ST18: variants seen among roughly 807,000 people sequenced by gnomAD.
ST18 encodes the protein ST18 C2H2C-type zinc finger transcription factor.
A neutral mutation model predicts 110.0 loss-of-function variants in ST18; 50 were observed. The observed-to-expected ratio is 0.45, with a 90% CI of 0.36 to 0.58. ST18 has a LOEUF of 0.58. Among genes scored for constraint, ST18 ranks in the 20% least tolerant of loss-of-function variants. The pLI is 0.00. For synonymous variants in ST18, 461 were observed against 452.4 expected (o/e 1.02, Z -0.24); for missense variants, 1,306 against 1,280.1 (o/e 1.02, Z -0.31).
intron 15 of ST18, among the ~76,000 whole-genome samples, chr8:52,156,922 G>T (rs892117403): frequency 6.6e-6 from 1 of 152,170 alleles, no homozygotes; most frequent in Non-Finnish European, 1.5e-5. Flanking sequence ...CAATCTGTGT[G>T]CTCTCTGTCT....
chr8:52,408,629 G>A (rs561096887), intron 2 of ST18, among the ~76,000 whole-genome samples: 6 of 152,336 alleles, frequency 3.9e-5, no homozygotes, highest in South Asian at 2.1e-4. Context: ...CAAGTACTGC[G>A]TAGTGACCAA....
chr8:52,332,399 T>C (rs574342480), intron 2 of ST18, among the ~76,000 whole-genome samples: 1 of 152,318 alleles, frequency 6.6e-6, no homozygotes, highest in African/African-American at 2.4e-5. Flanking sequence ...TCTTTACACA[T>C]TGAATTCAAG....
intron 15 of ST18, among the ~76,000 whole-genome samples, chr8:52,153,877 A>G (rs1299917822): frequency 6.6e-6 from 1 of 152,244 alleles, no homozygotes; most frequent in Non-Finnish European, 1.5e-5. Context: ...GAAATTCTAG[A>G]GGGATTAAAA....
chr8:52,296,253 C>G (rs980149232), intron 2 of ST18: 1 of 152,178 alleles, frequency 6.6e-6, no homozygotes, highest in Admixed American at 6.5e-5. Context: ...TTTTCCCCTA[C>G]GGTTGTTTGA....
intron 2 of ST18, among the ~76,000 whole-genome samples, chr8:52,367,004 G>T (rs762030058): frequency 6.6e-6 from 1 of 152,132 alleles, no homozygotes; most frequent in Non-Finnish European, 1.5e-5. Flanking sequence ...GGGCTGAGGC[G>T]TGCAGATCAC....
intron 8 of ST18, among the ~76,000 whole-genome samples, chr8:52,201,747 A>C (rs922382421): frequency 2.0e-5 from 3 of 152,240 alleles, no homozygotes; most frequent in Admixed American, 1.3e-4. Context: ...CTGACCCTGC[A>C]GTCTGAGACC....
At chr8:52,142,435 A>G (rs527243789) in intron 17 of ST18, among the ~76,000 whole-genome samples, 2 of 152,248 alleles carry the variant, frequency 1.3e-5, no homozygotes, top group South Asian at 2.1e-4. Flanking sequence ...AGTAGACTTG[A>G]TTAATATTTA....
At chr8:52,166,459 ATCAG>A (rs2063026624) in intron 11 of ST18, among the ~76,000 whole-genome samples, 1 of 152,110 alleles carries the variant, frequency 6.6e-6, no homozygotes, top group Non-Finnish European at 1.5e-5. Flanking sequence ...GCCTGCTGAA[ATCAG>A]TCAAACTGGC....
At chr8:52,145,014 T>A (rs551414707) in intron 16 of ST18, among the ~76,000 whole-genome samples, 10 of 152,020 alleles carry the variant, frequency 6.6e-5, no homozygotes, top group Non-Finnish European at 1.0e-4. Flanking sequence ...TCTGATATTG[T>A]CTCAATGTGG....
intron 8 of ST18, among the ~76,000 whole-genome samples, chr8:52,188,958 C>G (rs187199434): frequency 2.6e-5 from 4 of 152,206 alleles, no homozygotes; most frequent in Admixed American, 2.6e-4. Flanking sequence ...AACTGGAGCA[C>G]GTTAAACTTG....
intron 8 of ST18, chr8:52,209,985 T>C (rs1309708235): frequency 2.2e-6 from 1 of 450,214 alleles, no homozygotes; most frequent in Non-Finnish European, 4.5e-6. Flanking sequence ...ATTAATTCCT[T>C]AAAGATTCTC....
intron 3 of ST18, among the ~76,000 whole-genome samples, chr8:52,229,057 A>C (rs1465232153): frequency 6.6e-6 from 1 of 152,328 alleles, no homozygotes; most frequent in South Asian, 2.1e-4. Context: ...TATCATTTGG[A>C]TCAACAAAAT....
intron 23 of ST18, among the ~76,000 whole-genome samples, chr8:52,122,681 G>T (rs909472347): frequency 6.6e-5 from 10 of 151,898 alleles, no homozygotes; most frequent in African/African-American, 2.4e-4. Flanking sequence ...TAGAGATGGG[G>T]TTTCAACATG....
intron 23 of ST18, among the ~76,000 whole-genome samples, chr8:52,120,758 C>A (rs1211869666): frequency 6.6e-6 from 1 of 151,984 alleles, no homozygotes; most frequent in Non-Finnish European, 1.5e-5. Flanking sequence ...TTTTGAGTAG[C>A]GGATAGATTG....
chr8:52,156,813 CGAT>C (rs541415864), intron 15 of ST18, among the ~76,000 whole-genome samples: 104 of 152,264 alleles, frequency 6.8e-4, no homozygotes, highest in Admixed American at 1.2e-3. Flanking sequence ...ATCTAGGGCA[CGAT>C]GTTTCTCCCA....
intron 2 of ST18, among the ~76,000 whole-genome samples, chr8:52,371,444 T>C (rs1590350649): frequency 6.6e-6 from 1 of 152,200 alleles, no homozygotes; most frequent in Non-Finnish European, 1.5e-5. Context: ...CATATGACAA[T>C]GATGCTCTCA....
At chr8:52,166,791 G>T (rs948525282) in intron 11 of ST18, 61 bp downstream of exon 11, 6 of 1,429,490 alleles carry the variant, frequency 4.2e-6, no homozygotes, top group Non-Finnish European at 9.3e-7. Context: ...AGACAAAGAG[G>T]ATAACATCTT....
At chr8:52,275,776 T>C (rs894205294) in intron 2 of ST18, among the ~76,000 whole-genome samples, 1 of 152,108 alleles carries the variant, frequency 6.6e-6, no homozygotes, top group Non-Finnish European at 1.5e-5. Flanking sequence ...AGATTCTTCA[T>C]AGCACTGTGA....
intron 2 of ST18, among the ~76,000 whole-genome samples, chr8:52,330,033 G>C (rs1379029837): frequency 3.9e-5 from 6 of 152,170 alleles, no homozygotes; most frequent in Non-Finnish European, 8.8e-5. Context: ...GAGTGTGCTA[G>C]AGCCCAGAAT....
Sources: allele counts gnomAD v4.1 joint callset (sites outside exome capture counted in the v4.1 genomes callset), GRCh38; gene constraint gnomAD v4.1.1; transcripts MANE v1.5; gene names NCBI Gene and HGNC (gene_info 2026-07-23, HGNC 2026-07-21).